PTK7: variants seen among roughly 807,000 people sequenced by gnomAD.
The protein encoded by PTK7 is inactive tyrosine-protein kinase 7.
PTK7 carries 39 observed loss-of-function variants against 116.6 expected under a neutral mutation model. The observed-to-expected ratio is 0.33, with a 90% CI of 0.26 to 0.44. The LOEUF is 0.44. PTK7 is among the 20% of genes least tolerant of loss of function. The probability of loss-of-function intolerance (pLI) is 1.00; values close to 1 mark genes in which losing one functional copy is unlikely to be tolerated. For missense variants in PTK7, 1,169 were observed against 1,425.6 expected (o/e 0.82, Z 2.90); for synonymous variants, 546 against 563.6 (o/e 0.97, Z 0.44).
intron 7 of PTK7, among the ~76,000 whole-genome samples, chr6:43,136,032 A>G (rs879831963): frequency 2.6e-5 from 4 of 152,250 alleles, no homozygotes; most frequent in Admixed American, 1.3e-4. Flanking sequence ...TACTAAAAAT[A>G]CAAAAATTAG....
rs116331757 is a variant in PTK7, at chr6:43,156,966, G to A, written c.2722-1851G>A. Among the ~76,000 whole-genome samples the A allele has an allele frequency of 7.6e-3, 1,153 of 151,242 alleles. 10 individuals are homozygous for A. The highest frequency in any genetic ancestry group is 0.026 in the African/African-American group (1,090 of 41,236). On this transcript the variant is annotated intron_variant, in intron 17 of 19. Coordinates refer to ENST00000230419, the MANE Select transcript of PTK7 (RefSeq NM_002821.5). ...AAAAAAAAAATCCAGGCACAAAAGA[G>A]TATACATTTTGTGTGCTTCCAGTTT...
intron 1 of PTK7, among the ~76,000 whole-genome samples, chr6:43,106,028 C>T (rs767332901): frequency 1.2e-4 from 18 of 152,168 alleles, no homozygotes; most frequent in Non-Finnish European, 2.2e-4. Flanking sequence ...AGAGCTTCTT[C>T]AGTCCATTTC....
At chr6:43,092,447 A>T (rs892531432) in intron 1 of PTK7, among the ~76,000 whole-genome samples, 7 of 152,152 alleles carry the variant, frequency 4.6e-5, no homozygotes, top group Non-Finnish European at 8.8e-5. Flanking sequence ...GGGATTACAG[A>T]TGTCAAGTGC....
intron 1 of PTK7, among the ~76,000 whole-genome samples, chr6:43,113,630 G>A (rs533613724): frequency 6.6e-6 from 1 of 152,126 alleles, no homozygotes; most frequent in Non-Finnish European, 1.5e-5. Context: ...CTTTGCCCTT[G>A]CTTAAGGAGC....
In PTK7 at chr6:43,143,362, G is replaced by C; in HGVS notation, c.2048-55G>C. On this transcript the variant is annotated intron_variant, in intron 13 of 19. Transcript: ENST00000230419. The surrounding 1 kb of genome is among the most constrained non-coding windows in gnomAD (Gnocchi z 4.2). ...GGGGTTGGGAGGAGTTAGTAGAGAAGCAGGGCTTCTTTTGCTTAGCAGCCC... is the reference window on the plus strand; with the variant it reads ...GGGGTTGGGAGGAGTTAGTAGAGAACCAGGGCTTCTTTTGCTTAGCAGCCC... The C allele has an allele frequency of 6.4e-7, 1 of 1,559,064 alleles. No individual in the cohort carries two copies. Among genetic ancestry groups the C allele is most frequent in the Non-Finnish European group, 8.8e-7 (1 of 1,141,726 alleles).
At chr6:43,156,431 C>T (rs895982137) in intron 17 of PTK7, among the ~76,000 whole-genome samples, 11 of 151,626 alleles carry the variant, frequency 7.3e-5, no homozygotes, top group Non-Finnish European at 1.5e-4. Context: ...AGGAGACCCC[C>T]GTCTCTACAA....
chr6:43,091,287 A>G (rs940076723), intron 1 of PTK7, among the ~76,000 whole-genome samples: 1 of 151,674 alleles, frequency 6.6e-6, no homozygotes, highest in Non-Finnish European at 1.5e-5. Context: ...CAGCCTCCCA[A>G]CTAGCTGGGA....
Position 43,134,286 on chromosome 6 carries a change from G to T in PTK7, c.1228+1599G>T, listed in dbSNP as rs12210813. Among the ~76,000 whole-genome samples, 529 of 152,140 alleles carry T rather than the reference G, an allele frequency of 3.5e-3. 2 individuals carry two copies. Among genetic ancestry groups the T allele is most frequent in the African/African-American group, 0.011 (475 of 41,532 alleles). ...ACTCTTGACCTCAAGTGATCCACCT[G>T]CCTCGGCCTCCTAAAGTGCTGGGAT... On this transcript the variant is annotated intron_variant, in intron 7 of 19. Transcript: ENST00000230419.
intron 1 of PTK7, among the ~76,000 whole-genome samples, chr6:43,082,829 AC>A (rs1332222889): frequency 6.6e-6 from 1 of 152,208 alleles, no homozygotes; most frequent in African/African-American, 2.4e-5. Flanking sequence ...AGAGGAGAAT[AC>A]GGCTGATTTT....
intron 17 of PTK7, among the ~76,000 whole-genome samples, chr6:43,149,365 C>T (rs1356357447): frequency 6.6e-6 from 1 of 151,966 alleles, no homozygotes; most frequent in Non-Finnish European, 1.5e-5. Context: ...GGAGTCAAAC[C>T]CTGTCTCAAA....
intron 1 of PTK7, among the ~76,000 whole-genome samples, chr6:43,107,269 G>A (rs916683695): frequency 2.0e-4 from 30 of 152,058 alleles, no homozygotes; most frequent in African/African-American, 7.2e-4. Context: ...TGCTTCTCTT[G>A]TGTGCCCTTT....
intron 1 of PTK7, among the ~76,000 whole-genome samples, chr6:43,079,036 C>T (rs948156231): frequency 2.0e-5 from 3 of 152,030 alleles, no homozygotes; most frequent in African/African-American, 7.3e-5. Flanking sequence ...CTTCTTGTCA[C>T]TTGTCAAATG....
At position 43,143,478 on chromosome 6, in the gene PTK7, G is replaced by A. The variant is rs2150453160; in HGVS notation, c.2109G>A (p.Gln703=). 1.2e-6 allele frequency: 2 copies of A among 1,614,164 alleles called. No individual in the cohort carries two copies. The highest frequency in any genetic ancestry group is 2.2e-5 in the East Asian group (1 of 44,888). ...PGSPPPYKMI[Q]TIGLSVGAAV... is the part of the protein sequence containing the mutation. ...GCCCTCCCCCCTACAAGATGATCCA[G>A]ACCATTGGGTTGTCGGTGGGTGCCG... The change falls in exon 14 of 20, where the codon CAG becomes CAA. Residue 703 remains glutamine (Q), a synonymous_variant. Coordinates refer to ENST00000230419, the MANE Select transcript of PTK7 (RefSeq NM_002821.5). This position sits in a 1 kb window ranked among gnomAD's most constrained non-coding sequence, Gnocchi z 4.2.
Position 43,100,663 on chromosome 6 carries a change from CT to C in PTK7, c.79+24097del, listed in dbSNP as rs562834988. 2.0e-5 allele frequency among the ~76,000 whole-genome samples: 3 copies of C among 152,132 alleles called. No individual in the cohort carries two copies. The South Asian group carries it at 6.2e-4, about 32-fold the overall frequency. On this transcript the variant is annotated intron_variant, in intron 1 of 19. Coordinates refer to ENST00000230419, the MANE Select transcript of PTK7 (RefSeq NM_002821.5). Reference sequence around the variant, plus strand: ...TCCAATTTATATAATTTCCAAAATACTGCAGATTGTGAACAGGGCATTATAC... The same window carrying C: ...TCCAATTTATATAATTTCCAAAATACGCAGATTGTGAACAGGGCATTATAC...
At chr6:43,138,770 G>A in intron 7 of PTK7, 79 bp from the exon 8 acceptor site, 1 of 1,513,682 alleles carries the variant, frequency 6.6e-7, no homozygotes, top group Non-Finnish European at 8.9e-7. Context: ...TAGAATGGTA[G>A]TAGGATTTCT....
intron 1 of PTK7, among the ~76,000 whole-genome samples, chr6:43,098,228 TC>T (rs1767363983): frequency 6.6e-6 from 1 of 152,158 alleles, no homozygotes; most frequent in Admixed American, 6.6e-5. Flanking sequence ...CTTTGTTTAT[TC>T]TTCTTCTCCA....
At chr6:43,091,272 T>C (rs1212856319) in intron 1 of PTK7, among the ~76,000 whole-genome samples, 3 of 151,360 alleles carry the variant, frequency 2.0e-5, no homozygotes, top group Non-Finnish European at 4.4e-5. Context: ...GTGACCCTCC[T>C]GGCTCAGCCT....
At position 43,139,578 on chromosome 6, in the gene PTK7, A is replaced by T; in HGVS notation, c.1618+53A>T. ...GGCAGGCAGGCAGTTCACTGATCAG[A>T]TACATACCTGAGGGCTGCTGGGTGC... On this transcript the variant is annotated intron_variant, in intron 10 of 19. Transcript: ENST00000230419. This position sits in a 1 kb window ranked among gnomAD's most constrained non-coding sequence, Gnocchi z 4.6. 3 of 1,606,666 alleles carry T rather than the reference A, an allele frequency of 1.9e-6. No individual in the cohort carries two copies. Among genetic ancestry groups the T allele is most frequent in the Non-Finnish European group, 2.5e-6 (3 of 1,176,630 alleles).
intron 17 of PTK7, among the ~76,000 whole-genome samples, chr6:43,155,967 G>A (rs1318171050): frequency 6.6e-6 from 1 of 151,978 alleles, no homozygotes; most frequent in Non-Finnish European, 1.5e-5. Context: ...GGTGGCTCAC[G>A]CCTGTAATCC....
Sources: allele counts gnomAD v4.1 joint callset (sites outside exome capture counted in the v4.1 genomes callset), GRCh38; gene constraint gnomAD v4.1.1; non-coding constraint Gnocchi (gnomAD v3.1); transcripts MANE v1.5; gene names NCBI Gene and HGNC (gene_info 2026-07-23, HGNC 2026-07-21).